Variants in EPHA6 observed in about 807,000 individuals in gnomAD.
EPHA6 encodes the protein EPH receptor A6.
A neutral mutation model predicts 112.0 loss-of-function variants in EPHA6; 50 were observed. That is an observed-to-expected ratio of 0.45 (90% CI 0.36 to 0.56). The LOEUF is 0.56. EPHA6 is among the 20% of genes least tolerant of loss of function. The pLI is 0.00. For synonymous variants in EPHA6, 529 were observed against 490.7 expected (o/e 1.08, Z -1.03); for missense variants, 1,280 against 1,417.4 (o/e 0.90, Z 1.56).
At chr3:96,895,020 A>G (rs2038187938) in intron 2 of EPHA6, among the ~76,000 whole-genome samples, 1 of 152,216 alleles carries the variant, frequency 6.6e-6, no homozygotes, top group African/African-American at 2.4e-5. Context: ...AATAGAAGAA[A>G]CAAACCAAGC....
intron 5 of EPHA6, among the ~76,000 whole-genome samples, chr3:97,319,588 T>C (rs372635064): frequency 1.3e-5 from 2 of 150,234 alleles, no homozygotes; most frequent in Admixed American, 6.6e-5. Context: ...GAGAGTCGCT[T>C]GAACCCAGGA....
intron 9 of EPHA6, among the ~76,000 whole-genome samples, chr3:97,483,655 G>A (rs2091618766): frequency 6.6e-6 from 1 of 152,160 alleles, no homozygotes; most frequent in Non-Finnish European, 1.5e-5. Context: ...GAATGAGTGA[G>A]CTGATTAAAC....
chr3:97,587,158 G>A (rs1459054053), intron 11 of EPHA6, among the ~76,000 whole-genome samples: 1 of 151,808 alleles, frequency 6.6e-6, no homozygotes, highest in Admixed American at 6.6e-5. Context: ...CAGGAGAATC[G>A]CTTGAACCCG....
chr3:97,472,158 G>C (rs1227984286), intron 7 of EPHA6, among the ~76,000 whole-genome samples: 3 of 151,526 alleles, frequency 2.0e-5, no homozygotes, highest in Non-Finnish European at 4.4e-5. Context: ...TGAGGGGAGG[G>C]GGAAAGGCTG....
rs1437898897 is a variant in EPHA6, at chr3:97,132,958, C to T, written c.1115-93306C>T. Among the ~76,000 whole-genome samples, 8 of 152,036 alleles carry T rather than the reference C, an allele frequency of 5.3e-5. No individual in the cohort carries two copies. In the East Asian group the frequency reaches 5.8e-4, roughly 11 times the overall value. ...ATTGAACTCTAGCCACTCAAGGTAA[C>T]GTTTTACTCTCCTGTTACAGCATAA... On this transcript the variant is annotated intron_variant, in intron 3 of 17. Coordinates refer to ENST00000389672, the MANE Select transcript of EPHA6 (RefSeq NM_001080448.3).
chr3:97,417,620 A>G (rs1463709672), intron 6 of EPHA6, among the ~76,000 whole-genome samples: 1 of 152,132 alleles, frequency 6.6e-6, no homozygotes, highest in Non-Finnish European at 1.5e-5. Context: ...GTCCAAAAAA[A>G]AAATCTGAGC....
intron 13 of EPHA6, among the ~76,000 whole-genome samples, chr3:97,616,594 TGACA>T (rs1333003117): frequency 6.6e-6 from 1 of 152,130 alleles, no homozygotes; most frequent in Non-Finnish European, 1.5e-5. Context: ...CTGAACTGAT[TGACA>T]GAGCTAAAAA....
chr3:97,314,135 T>C (rs2081693687), intron 5 of EPHA6, among the ~76,000 whole-genome samples: 1 of 151,690 alleles, frequency 6.6e-6, no homozygotes, highest in Non-Finnish European at 1.5e-5. Context: ...GAAGAGACTG[T>C]CCTTTCTCCA....
At chr3:97,706,329 A>G (rs1454012519) in intron 14 of EPHA6, among the ~76,000 whole-genome samples, 1 of 152,218 alleles carries the variant, frequency 6.6e-6, no homozygotes, top group Non-Finnish European at 1.5e-5. Context: ...ACAAAGGACA[A>G]TAACAAACAA....
At chr3:97,106,569 G>A (rs114978698) in intron 3 of EPHA6, among the ~76,000 whole-genome samples, 1 of 151,986 alleles carries the variant, frequency 6.6e-6, no homozygotes, top group Non-Finnish European at 1.5e-5. Flanking sequence ...TCAGTAAAAC[G>A]TTGTACTCAT....
chr3:97,548,952 T>C (rs183656753), intron 11 of EPHA6, among the ~76,000 whole-genome samples: 1 of 152,292 alleles, frequency 6.6e-6, no homozygotes, highest in East Asian at 1.9e-4. Flanking sequence ...CCCAGTGACA[T>C]CCTAGCCATC....
At chr3:97,238,911 G>A (rs2078760392) in intron 4 of EPHA6, among the ~76,000 whole-genome samples, 1 of 151,850 alleles carries the variant, frequency 6.6e-6, no homozygotes, top group South Asian at 2.1e-4. Context: ...TTTTATTCTG[G>A]AAATGAATGG....
intron 3 of EPHA6, among the ~76,000 whole-genome samples, chr3:97,199,094 G>T (rs2077515002): frequency 6.6e-6 from 1 of 152,168 alleles, no homozygotes; most frequent in African/African-American, 2.4e-5. Flanking sequence ...TATATGAGAT[G>T]AGAAAGTCAG....
chr3:97,124,034 T>A (rs544124084), intron 3 of EPHA6, among the ~76,000 whole-genome samples: 1 of 152,156 alleles, frequency 6.6e-6, no homozygotes, highest in African/African-American at 2.4e-5. Context: ...TTGTATCCTG[T>A]TAATAAACCA....
chr3:97,050,633 A>T (rs1228861403), intron 3 of EPHA6, among the ~76,000 whole-genome samples: 1 of 152,142 alleles, frequency 6.6e-6, no homozygotes, highest in Admixed American at 6.6e-5. Context: ...AGAGTTCATG[A>T]TTTCTATGTT....
intron 2 of EPHA6, among the ~76,000 whole-genome samples, chr3:96,896,766 A>G (rs1350660135): frequency 1.3e-5 from 2 of 152,238 alleles, no homozygotes; most frequent in Non-Finnish European, 2.9e-5. Context: ...TCAACATAAC[A>G]AAAAGCAAGA....
rs1255806171 is a variant in EPHA6, at chr3:96,994,693, A to ATGTG, written c.1114+6714_1114+6717dup. Reference sequence around the variant, plus strand: ...AGACCTGCTGAGAATGTGTGTGTGTATGTGTGTGTGTGTGTGTATATATAT... The same window carrying ATGTG: ...AGACCTGCTGAGAATGTGTGTGTGTATGTGTGTGTGTGTGTGTGTGTATATATAT... On this transcript the variant is annotated intron_variant, in intron 3 of 17. Transcript: ENST00000389672. 5.0e-4 allele frequency among the ~76,000 whole-genome samples: 55 copies of ATGTG among 109,910 alleles called. 1 individual carries two copies. Among genetic ancestry groups the ATGTG allele is most frequent in the African/African-American group, 2.2e-3 (54 of 24,916 alleles). The allele number at this position is 109,910 out of a possible 152,430, so 72.1% of individuals were successfully genotyped here. A position where few individuals can be genotyped will look rare whatever the true frequency, so the allele number is the denominator to read the frequency against.
intron 8 of EPHA6, among the ~76,000 whole-genome samples, chr3:97,476,644 G>T (rs2091377098): frequency 6.6e-6 from 1 of 152,046 alleles, no homozygotes; most frequent in Non-Finnish European, 1.5e-5. Context: ...CAAGTACTTT[G>T]CATGTATCAA....
chr3:97,298,419 T>G (rs2108707065), intron 5 of EPHA6, among the ~76,000 whole-genome samples: 1 of 152,334 alleles, frequency 6.6e-6, no homozygotes, highest in African/African-American at 2.4e-5. Flanking sequence ...TAGCATTTCG[T>G]TTCACTCTTA....
Sources: gnomAD v4.1 joint callset for allele counts (sites outside exome capture counted in the v4.1 genomes callset) on GRCh38, gnomAD v4.1.1 for gene constraint, MANE v1.5 for transcripts, NCBI Gene and HGNC (gene_info 2026-07-23, HGNC 2026-07-21) for gene names.